The following COG6 variants were observed in gnomAD, a reference collection of about 807,000 sequenced individuals.
The protein encoded by COG6 is conserved oligomeric Golgi complex subunit 6.
Under a neutral mutation model 88.8 loss-of-function variants are expected in COG6, and 74 were observed. That is an observed-to-expected ratio of 0.83 (90% CI 0.69 to 1.01). The LOEUF (loss-of-function observed/expected upper bound fraction) is 1.01. Among genes scored for constraint, COG6 ranks in the 50% least tolerant of loss-of-function variants. The pLI is 0.00. For missense variants in COG6, 800 were observed against 797.9 expected (o/e 1.00, Z -0.03); for synonymous variants, 286 against 278.7 (o/e 1.03, Z -0.26).
intron 18 of COG6, among the ~76,000 whole-genome samples, chr13:39,780,476 A>T (rs1007831556): frequency 2.0e-5 from 3 of 152,232 alleles, no homozygotes; most frequent in African/African-American, 7.2e-5. Context: ...TAATTTATTA[A>T]TACAAGAAGT....
intron 2 of COG6, 124 bp downstream of exon 2, chr13:39,659,631 C>T (rs1452548421): frequency 1.1e-5 from 8 of 750,540 alleles, no homozygotes; most frequent in Non-Finnish European, 1.8e-5. Flanking sequence ...AAATAGAAAG[C>T]TTAGCTAATT....
At chr13:39,714,122 A>G (rs1006476722) in intron 13 of COG6, among the ~76,000 whole-genome samples, 1 of 152,182 alleles carries the variant, frequency 6.6e-6, no homozygotes, top group African/African-American at 2.4e-5. Flanking sequence ...TCAAGGGGGA[A>G]AAAAATTTCC....
At chr13:39,712,468 T>A (rs1395175381) in intron 13 of COG6, among the ~76,000 whole-genome samples, 3 of 152,194 alleles carry the variant, frequency 2.0e-5, no homozygotes, top group African/African-American at 7.2e-5. Flanking sequence ...ATGTTTTATG[T>A]TGTAACTATG....
intron 13 of COG6, among the ~76,000 whole-genome samples, chr13:39,700,002 C>T (rs1045613591): frequency 3.3e-5 from 5 of 151,786 alleles, no homozygotes; most frequent in Non-Finnish European, 5.9e-5. Flanking sequence ...CCTGTTGTTA[C>T]AGTTTTGTCC....
At chr13:39,670,450 C>A (rs924234703) in intron 4 of COG6, among the ~76,000 whole-genome samples, 1 of 151,914 alleles carries the variant, frequency 6.6e-6, no homozygotes, top group East Asian at 1.9e-4. Flanking sequence ...AGACAAAAAT[C>A]TGAATCTTAA....
At chr13:39,671,117 C>A (rs1875605381) in intron 4 of COG6, among the ~76,000 whole-genome samples, 1 of 151,882 alleles carries the variant, frequency 6.6e-6, no homozygotes, top group Non-Finnish European at 1.5e-5. Flanking sequence ...CTGAGATAAG[C>A]TATAACAACT....
chr13:39,687,357 G>GT, intron 8 of COG6, 146 bp from the exon 9 acceptor site: 1 of 737,496 alleles, frequency 1.4e-6, no homozygotes, highest in Non-Finnish European at 2.3e-6. Context: ...TTTTTTTCTT[G>GT]TTTGAAAGCA....
At chr13:39,709,815 G>A (rs1362589769) in intron 13 of COG6, among the ~76,000 whole-genome samples, 5 of 152,146 alleles carry the variant, frequency 3.3e-5, no homozygotes, top group African/African-American at 1.2e-4. Flanking sequence ...GGTTGATTCC[G>A]TATCTTCGCT....
downstream of COG6, among the ~76,000 whole-genome samples, chr13:39,754,410 A>G (rs1880765359): frequency 6.6e-6 from 1 of 152,202 alleles, no homozygotes; most frequent in Non-Finnish European, 1.5e-5. Flanking sequence ...GGATACATGT[A>G]AAGGTGTAAG....
intron 13 of COG6, among the ~76,000 whole-genome samples, chr13:39,703,111 C>T (rs1475271998): frequency 6.6e-6 from 1 of 151,980 alleles, no homozygotes; most frequent in East Asian, 1.9e-4. Context: ...AAATTGTCTC[C>T]AACATCAGGA....
intron 18 of COG6, among the ~76,000 whole-genome samples, chr13:39,759,138 C>T (rs555740154): frequency 2.0e-5 from 3 of 152,268 alleles, no homozygotes; most frequent in Admixed American, 6.5e-5. Context: ...TGGAACTACA[C>T]AGTGATGATG....
chr13:39,712,080 G>A (rs1047103241), intron 13 of COG6, among the ~76,000 whole-genome samples: 1 of 152,116 alleles, frequency 6.6e-6, no homozygotes, highest in Admixed American at 6.5e-5. Flanking sequence ...GGTTGGTCTC[G>A]AACTCCTGAC....
At chr13:39,689,467 CTCTG>C (rs1187779487) in intron 10 of COG6, among the ~76,000 whole-genome samples, 1 of 151,928 alleles carries the variant, frequency 6.6e-6, no homozygotes, top group Non-Finnish European at 1.5e-5. Context: ...TCTTTTTTTC[CTCTG>C]TCTTATAACT....
In COG6 at chr13:39,687,589, G is replaced by T; in HGVS notation, c.875G>T (p.Gly292Val). The T allele has an allele frequency of 6.2e-7, 1 of 1,613,794 alleles. No individual in the cohort carries two copies. Among genetic ancestry groups the T allele is most frequent in the Middle Eastern group, 1.6e-4 (1 of 6,062 alleles). Reference protein sequence around the residue: ...IDALTRGGPGGTPRPIEMHSH... With the variant: ...IDALTRGGPGVTPRPIEMHSH... Reference sequence around the variant, plus strand: ...GCGCTCACAAGAGGGGGCCCCGGAGGTACACCTAGACCAATTGAAATGCAT... The same window carrying T: ...GCGCTCACAAGAGGGGGCCCCGGAGTTACACCTAGACCAATTGAAATGCAT... Residue 292 changes from glycine (G) to valine (V), a missense_variant, in exon 9 of 19, where the codon GGT becomes GTT. Gly to Val is a moderately radical substitution (Grantham distance 109). Transcript: ENST00000455146.
chr13:39,789,949 TTTTG>T (rs1450432740), exon 19 of COG6: 1 of 152,210 alleles, frequency 6.6e-6, no homozygotes, highest in Non-Finnish European at 1.5e-5. Flanking sequence ...TATTTTAAAT[TTTTG>T]TTTATTTAAA....
chr13:39,714,176 C>T (rs1384757104), intron 13 of COG6, among the ~76,000 whole-genome samples: 2 of 151,242 alleles, frequency 1.3e-5, no homozygotes, highest in South Asian at 2.1e-4. Flanking sequence ...CATCATTGGT[C>T]TTCTGTTTTG....
intron 18 of COG6, among the ~76,000 whole-genome samples, chr13:39,749,383 C>T (rs575367436): frequency 2.0e-5 from 3 of 152,274 alleles, no homozygotes; most frequent in Admixed American, 2.0e-4. Flanking sequence ...ACATGAACAA[C>T]ATGTATTTCT....
downstream of COG6, among the ~76,000 whole-genome samples, chr13:39,753,062 TC>T (rs1454863301): frequency 6.6e-6 from 1 of 152,216 alleles, no homozygotes; most frequent in Non-Finnish European, 1.5e-5. Flanking sequence ...TACTCGAAAT[TC>T]ATGATTACAG....
At position 39,751,844 on chromosome 13, in the gene COG6, A is replaced by G; in HGVS notation, c.*751A>G. The G allele has an allele frequency of 7.8e-7, 1 of 1,287,176 alleles. No homozygotes were observed. The highest frequency in any genetic ancestry group is 1.0e-6 in the Non-Finnish European group (1 of 988,658). 79.7% of individuals were successfully genotyped at this position (1,287,176 alleles called of 1,614,324 possible). A position where few individuals can be genotyped will look rare whatever the true frequency, so the allele number is the denominator to read the frequency against. ...GAGCTCAGCCTTTCCAATGAGCTCT[A>G]AGCATGTAGATAGCCTGAGCTGTGT... On this transcript the variant is annotated 3_prime_UTR_variant, in exon 19 of 19. Transcript: ENST00000455146.
Sources: allele counts gnomAD v4.1 joint callset (sites outside exome capture counted in the v4.1 genomes callset), GRCh38; gene constraint gnomAD v4.1.1; transcripts MANE v1.5; gene names NCBI Gene and HGNC (gene_info 2026-07-23, HGNC 2026-07-21).